The following PHTF2 variants were observed in gnomAD, a reference collection of about 807,000 sequenced individuals.
The protein encoded by PHTF2 is putative homeodomain transcription factor 2, also known as protein PHTF2.
Under a neutral mutation model 101.2 loss-of-function variants are expected in PHTF2, and 60 were observed. That is an observed-to-expected ratio of 0.59 (90% confidence interval 0.48 to 0.73). The LOEUF (loss-of-function observed/expected upper bound fraction) is 0.73, where lower values mean the gene tolerates loss of function less well. Among genes scored for constraint, PHTF2 ranks in the 30% least tolerant of loss-of-function variants. PHTF2 has a pLI of 0.00. For missense variants in PHTF2, 747 were observed against 908.7 expected (o/e 0.82, Z 2.29); for synonymous variants, 311 against 307.3 (o/e 1.01, Z -0.13).
chr7:77,897,503 A>C (rs1800982103), intron 5 of PHTF2, among the ~76,000 whole-genome samples: 1 of 151,942 alleles, frequency 6.6e-6, no homozygotes, highest in South Asian at 2.1e-4. Flanking sequence ...TGCATAAATT[A>C]GTAGTTTTAA....
In PHTF2 at chr7:77,942,610, A is replaced by G. The variant is rs1398175500; in HGVS notation, c.1873-90A>G. 1.0e-5 allele frequency: 7 copies of G among 671,032 alleles called. No individual in the cohort carries two copies. The East Asian group carries it at 1.2e-4, about 11-fold the overall frequency. The allele number at this position is 671,032 out of a possible 1,614,324, so 41.6% of individuals were successfully genotyped here. ...GTGATCAACTGATGGTGATGAGTCA[A>G]CACCTTTATTGAAACCATGGAAATT... On this transcript the variant is annotated intron_variant, in intron 15 of 19. Coordinates refer to ENST00000416283, the Ensembl canonical transcript of PHTF2.
chr7:77,803,437 G>T (rs1353850641), intron 1 of PHTF2, among the ~76,000 whole-genome samples: 1 of 152,090 alleles, frequency 6.6e-6, no homozygotes, highest in Non-Finnish European at 1.5e-5. Context: ...ATGAAAATTA[G>T]GTGGCACAAG....
chr7:77,949,808 A>G, exon 17 of PHTF2: 1 of 1,520,996 alleles, frequency 6.6e-7, no homozygotes, highest in South Asian at 1.2e-5. Context: ...AAATATAGTA[A>G]TACCTCAATA....
chr7:77,808,640 T>G (rs1045142468), intron 1 of PHTF2, among the ~76,000 whole-genome samples: 7 of 152,232 alleles, frequency 4.6e-5, no homozygotes, highest in African/African-American at 1.7e-4. Flanking sequence ...TCTACAGAGC[T>G]ACAGCACTCT....
Position 77,949,872 on chromosome 7 carries a change from A to G in PHTF2, c.2115+39A>G, listed in dbSNP as rs376500040. On this transcript the variant is annotated intron_variant, in intron 17 of 19. Transcript: ENST00000416283. ...CTTATTATGCTACAAATTAATGTCT[A>G]TAAGTTAAAATGTTTTCATTTCCTT... is the stretch of plus-strand genomic sequence containing the variant. 5.1e-5 allele frequency: 54 copies of G among 1,052,148 alleles called. No homozygotes were observed. Among genetic ancestry groups the G allele is most frequent in the African/African-American group, 3.7e-4 (23 of 62,270 alleles). 65.2% of individuals were successfully genotyped at this position (1,052,148 alleles called of 1,614,324 possible). A position where few individuals can be genotyped will look rare whatever the true frequency, so the allele number is the denominator to read the frequency against.
At chr7:77,890,029 C>CG (rs551280359) in intron 3 of PHTF2, among the ~76,000 whole-genome samples, 10 of 150,584 alleles carry the variant, frequency 6.6e-5, no homozygotes, top group African/African-American at 1.7e-4. Flanking sequence ...CGCGCCCCCC[C>CG]CCACCACCAT....
At chr7:77,932,586 AAG>A (rs1218067989) in intron 12 of PHTF2, among the ~76,000 whole-genome samples, 2 of 132,990 alleles carry the variant, frequency 1.5e-5, no homozygotes, top group East Asian at 2.2e-4. Flanking sequence ...GAGAAAGAGG[AAG>A]AGAGAGAGAG....
At chr7:77,808,311 G>A (rs540269871) in intron 1 of PHTF2, among the ~76,000 whole-genome samples, 2 of 152,290 alleles carry the variant, frequency 1.3e-5, no homozygotes, top group African/African-American at 4.8e-5. Flanking sequence ...TTCAATCCAT[G>A]AACATGGGAT....
intron 1 of PHTF2, among the ~76,000 whole-genome samples, chr7:77,827,445 C>T (rs926922275): frequency 1.3e-5 from 2 of 152,136 alleles, no homozygotes; most frequent in Admixed American, 1.3e-4. Flanking sequence ...ACCTCTGCCT[C>T]CCGGGTTCAG....
chr7:77,801,591 AAAAAC>A (rs1387398383), intron 1 of PHTF2, among the ~76,000 whole-genome samples: 2 of 152,210 alleles, frequency 1.3e-5, no homozygotes, highest in African/African-American at 2.4e-5. Flanking sequence ...TCTCAAAAAC[AAAAAC>A]AAAACAAAAC....
chr7:77,954,802 A>T lies in PHTF2; in HGVS notation c.2338-56A>T. 3.1e-6 allele frequency: 3 copies of T among 980,830 alleles called. No homozygotes were observed. In the South Asian group the frequency reaches 4.4e-5, roughly 14 times the overall value. 60.8% of individuals were successfully genotyped at this position (980,830 alleles called of 1,614,324 possible). A position where few individuals can be genotyped will look rare whatever the true frequency, so the allele number is the denominator to read the frequency against. On this transcript the variant is annotated intron_variant, in intron 19 of 19. Transcript: ENST00000416283. Reference sequence around the variant, plus strand: ...TTTAAAAATGGTGTTATATGATATAATTTAAGCTTTGATATTAAAACTGGC... The same window carrying T: ...TTTAAAAATGGTGTTATATGATATATTTTAAGCTTTGATATTAAAACTGGC...
intron 2 of PHTF2, among the ~76,000 whole-genome samples, chr7:77,845,470 A>G (rs1796204805): frequency 1.3e-5 from 2 of 152,232 alleles, no homozygotes; most frequent in Non-Finnish European, 2.9e-5. Flanking sequence ...ACTAATGAAT[A>G]TGTTTAATGG....
At chr7:77,908,656 T>C in intron 7 of PHTF2, 137 bp from the exon 7 acceptor site, 1 of 535,776 alleles carries the variant, frequency 1.9e-6, no homozygotes, top group East Asian at 3.1e-5. Context: ...AGAGAGCTTG[T>C]CTCTATAGTA....
At position 77,953,905 on chromosome 7, in the gene PHTF2, G is replaced by A. The variant is rs1280250134; in HGVS notation, c.2337+11G>A. The A allele has an allele frequency of 1.9e-6, 3 of 1,611,764 alleles. No homozygotes were observed. The highest frequency in any genetic ancestry group is 1.7e-6 in the Non-Finnish European group (2 of 1,178,834). On this transcript the variant is annotated intron_variant, in intron 19 of 19. Transcript: ENST00000416283. ...GGATTTAATTTAAAGGTAAGAGGTT[G>A]CAAGTACTTTTTATTTCTTAGTTTC...
chr7:77,909,229 A>T, intron 8 of PHTF2: 1 of 265,614 alleles, frequency 3.8e-6, no homozygotes. Flanking sequence ...TAGACAATAT[A>T]TGTTAGCTAG....
chr7:77,929,273 T>C, exon 12 of PHTF2: 1 of 1,612,280 alleles, frequency 6.2e-7, no homozygotes, highest in Non-Finnish European at 8.5e-7. Flanking sequence ...ATGTGGAAAA[T>C]CATCAGATTA....
chr7:77,878,558 A>G (rs1799138149), intron 3 of PHTF2, among the ~76,000 whole-genome samples: 1 of 152,154 alleles, frequency 6.6e-6, no homozygotes, highest in Non-Finnish European at 1.5e-5. Context: ...TTAGTTTTAC[A>G]AAGGTGGTTT....
chr7:77,953,669 C>CT, intron 18 of PHTF2, 100 bp from the exon 18 acceptor site: 5 of 1,034,330 alleles, frequency 4.8e-6, no homozygotes, highest in Non-Finnish European at 6.8e-6. Flanking sequence ...TAATTGGTAA[C>CT]TTTTTTGAAA....
intron 3 of PHTF2, among the ~76,000 whole-genome samples, chr7:77,867,194 G>C (rs1798136242): frequency 6.6e-6 from 1 of 152,172 alleles, no homozygotes; most frequent in South Asian, 2.1e-4. Flanking sequence ...CTGACAGCTT[G>C]CCTGCTGGCA....
Sources: allele counts gnomAD v4.1 joint callset (sites outside exome capture counted in the v4.1 genomes callset), GRCh38; gene constraint gnomAD v4.1.1; transcripts MANE v1.5; gene names NCBI Gene and HGNC (gene_info 2026-07-23, HGNC 2026-07-21).